PLCH1: variants seen among roughly 807,000 people sequenced by gnomAD.
The protein encoded by PLCH1 is phospholipase C eta 1.
Under a neutral mutation model 126.7 loss-of-function variants are expected in PLCH1, and 60 were observed. That is an observed-to-expected ratio of 0.47 (90% confidence interval 0.38 to 0.59). The LOEUF (loss-of-function observed/expected upper bound fraction) is 0.59. Ranked by LOEUF, PLCH1 falls within the 20% of genes least tolerant of loss-of-function variation. PLCH1 has a pLI of 0.00. For missense variants in PLCH1, 1,723 were observed against 2,040.0 expected (o/e 0.84, Z 2.99); for synonymous variants, 719 against 734.9 (o/e 0.98, Z 0.35).
chr3:155,722,909 T>G (rs1317055372), intron 1 of PLCH1, among the ~76,000 whole-genome samples: 1 of 152,238 alleles, frequency 6.6e-6, no homozygotes, highest in Non-Finnish European at 1.5e-5. Context: ...CCAATTCTTC[T>G]TTGAATGTCT....
At position 155,583,523 on chromosome 3, in the gene PLCH1, T is replaced by C. The variant is rs765936884; in HGVS notation, c.720A>G (p.Lys240=). The C allele has an allele frequency of 1.9e-6, 3 of 1,608,944 alleles. No homozygotes were observed. The highest frequency in any genetic ancestry group is 2.2e-5 in the East Asian group (1 of 44,530). The change falls in exon 6 of 23, where the codon AAA becomes AAG. Residue 240 remains lysine, a synonymous_variant. Coordinates refer to ENST00000460012, the MANE Select transcript of PLCH1 (RefSeq NM_014996.4). ...YLLLLSYSDK[K]DHLTVEELAQ... is the part of the protein sequence containing the mutation. ...CCAGTTCTTCCACAGTTAGGTGATC[T>C]TTCTTGTCACTGTAGCTCAAAAGTA... is the stretch of plus-strand genomic sequence containing the variant.
At chr3:155,468,645 A>T (rs1362204659) in intron 21 of PLCH1, among the ~76,000 whole-genome samples, 1 of 152,248 alleles carries the variant, frequency 6.6e-6, no homozygotes, top group African/African-American at 2.4e-5. Context: ...GAAGAGACAA[A>T]GAAGGTCATT....
At chr3:155,561,547 G>T (rs1727626184) in intron 8 of PLCH1, among the ~76,000 whole-genome samples, 2 of 151,660 alleles carry the variant, frequency 1.3e-5, no homozygotes, top group African/African-American at 4.9e-5. Flanking sequence ...TGGACATTTG[G>T]GTTGGTTCCA....
chr3:155,543,143 A>C (rs967785943), intron 10 of PLCH1, among the ~76,000 whole-genome samples: 3 of 152,208 alleles, frequency 2.0e-5, no homozygotes, highest in African/African-American at 7.2e-5. Context: ...ACTTTGAAAA[A>C]AATTTAGACG....
chr3:155,471,242 C>A (rs1713213989), intron 21 of PLCH1, among the ~76,000 whole-genome samples: 1 of 152,012 alleles, frequency 6.6e-6, no homozygotes, highest in African/African-American at 2.4e-5. Flanking sequence ...ACCTACCAAG[C>A]AAATGGAAAA....
intron 2 of PLCH1, among the ~76,000 whole-genome samples, chr3:155,606,717 A>C (rs1250944927): frequency 6.6e-6 from 1 of 152,230 alleles, no homozygotes; most frequent in East Asian, 1.9e-4. Flanking sequence ...ATAGGCTGAT[A>C]ATAGAGTCAG....
chr3:155,451,645 G>T (rs1175141767), intron 21 of PLCH1, among the ~76,000 whole-genome samples: 1 of 152,166 alleles, frequency 6.6e-6, no homozygotes, highest in Non-Finnish European at 1.5e-5. Flanking sequence ...GGCCTGAATG[G>T]ACTAAAAGTA....
chr3:155,740,272 A>C (rs560087254), intron 1 of PLCH1, among the ~76,000 whole-genome samples: 14 of 152,162 alleles, frequency 9.2e-5, no homozygotes, highest in Middle Eastern at 3.4e-3. Flanking sequence ...TTAGCCGGGC[A>C]TGATGGCGGG....
rs60805589 is a variant in PLCH1 at position 155,724,813 on chromosome 3, TTGTGTGTGTGTG to T, written c.-41+20015_-41+20026del. 2.3e-3 allele frequency among the ~76,000 whole-genome samples: 328 copies of T among 140,160 alleles called. 7 individuals carry two copies. The East Asian group carries it at 0.029, about 12-fold the overall frequency. The allele number at this position is 140,160 out of a possible 152,430, so 92.0% of individuals were successfully genotyped here. On this transcript the variant is annotated intron_variant, in intron 1 of 22. Transcript: ENST00000460012. Reference sequence around the variant, plus strand: ...TGTTGCCTGAATACCTTGGGGGGTTTTGTGTGTGTGTGTGTGTGTGTGTGTGTGTGTGTGTGT... The same window carrying T: ...TGTTGCCTGAATACCTTGGGGGGTTTTGTGTGTGTGTGTGTGTGTGTGTGT...
chr3:155,474,266 G>T (rs1713418384), intron 21 of PLCH1, among the ~76,000 whole-genome samples: 1 of 148,338 alleles, frequency 6.7e-6, no homozygotes, highest in Non-Finnish European at 1.5e-5. Flanking sequence ...AGTGGGCGAA[G>T]GACATGAACA....
chr3:155,570,227 G>A (rs916499405), intron 6 of PLCH1, among the ~76,000 whole-genome samples: 1 of 152,104 alleles, frequency 6.6e-6, no homozygotes, highest in African/African-American at 2.4e-5. Flanking sequence ...TGCATTTTAC[G>A]TAATTGAGTT....
intron 10 of PLCH1, among the ~76,000 whole-genome samples, chr3:155,526,464 TTC>T (rs1254244732): frequency 8.5e-6 from 1 of 118,220 alleles, no homozygotes; most frequent in African/African-American, 3.1e-5. Flanking sequence ...TCTTCTCTCT[TTC>T]TCTCTTCTTT....
intron 2 of PLCH1, among the ~76,000 whole-genome samples, chr3:155,656,826 G>C (rs1358783679): frequency 2.0e-5 from 3 of 152,012 alleles, no homozygotes. Flanking sequence ...ACAATCAAAG[G>C]CATGAGAATT....
chr3:155,564,505 C>T (rs553515608), intron 8 of PLCH1, among the ~76,000 whole-genome samples: 2 of 152,196 alleles, frequency 1.3e-5, no homozygotes, highest in South Asian at 4.1e-4. Flanking sequence ...GTGGAGATTG[C>T]ACTGAGCCTA....
intron 2 of PLCH1, among the ~76,000 whole-genome samples, chr3:155,703,466 A>G (rs761970143): frequency 1.3e-5 from 2 of 152,232 alleles, no homozygotes; most frequent in Admixed American, 6.5e-5. Flanking sequence ...GACAGAGCTT[A>G]TCCCTGACTG....
chr3:155,522,836 A>G (rs1721291650), intron 11 of PLCH1, among the ~76,000 whole-genome samples: 1 of 151,140 alleles, frequency 6.6e-6, no homozygotes, highest in Non-Finnish European at 1.5e-5. Context: ...TTGCTGTGTT[A>G]CTCTAGCAAT....
At chr3:155,592,868 A>C (rs751854454) in intron 4 of PLCH1, among the ~76,000 whole-genome samples, 3 of 152,184 alleles carry the variant, frequency 2.0e-5, no homozygotes, top group Non-Finnish European at 4.4e-5. Flanking sequence ...CAGAAAGTTA[A>C]ATCCTGTTTG....
At chr3:155,676,128 G>C (rs368745994) in intron 2 of PLCH1, 25 of 1,388,792 alleles carry the variant, frequency 1.8e-5, no homozygotes, top group Middle Eastern at 1.9e-4. Context: ...TTTCCAAAAA[G>C]GGTGGGGGGA....
At chr3:155,530,719 C>CA (rs1293922325) in intron 10 of PLCH1, among the ~76,000 whole-genome samples, 14 of 152,042 alleles carry the variant, frequency 9.2e-5, no homozygotes, top group African/African-American at 2.9e-4. Context: ...TTGACCTCCT[C>CA]AAAAAAAATC....
Sources: allele counts gnomAD v4.1 joint callset (sites outside exome capture counted in the v4.1 genomes callset), GRCh38; gene constraint gnomAD v4.1.1; transcripts MANE v1.5; gene names NCBI Gene and HGNC (gene_info 2026-07-23, HGNC 2026-07-21).